Variants in ATP11A observed in about 807,000 individuals in gnomAD.
The protein encoded by ATP11A is ATPase phospholipid transporting 11A.
A neutral mutation model predicts 154.4 loss-of-function variants in ATP11A; 81 were observed. The observed-to-expected ratio is 0.52, with a 90% CI of 0.44 to 0.63. The LOEUF (loss-of-function observed/expected upper bound fraction) is 0.63, where lower values mean the gene tolerates loss of function less well. Ranked by LOEUF, ATP11A falls within the 30% of genes least tolerant of loss-of-function variation. ATP11A has a pLI of 0.00. For missense variants in ATP11A, 1,316 were observed against 1,474.3 expected, an observed-to-expected ratio of 0.89 and a Z score of 1.76; for synonymous variants, 623 against 585.9, an observed-to-expected ratio of 1.06 and a Z score of -0.91.
intron 1 of ATP11A, among the ~76,000 whole-genome samples, chr13:112,757,639 C>A (rs2076872671): frequency 6.6e-6 from 1 of 152,242 alleles, no homozygotes; most frequent in South Asian, 2.1e-4. Flanking sequence ...CTTGTCTCAT[C>A]CCTCAAGGGA....
chr13:112,696,910 C>A lies in ATP11A; in HGVS notation c.39+6455C>A, dbSNP rs983501499. The A allele has an allele frequency of 6.6e-6, 1 of 152,504 alleles. No homozygotes were observed. 9.4% of individuals were successfully genotyped at this position (152,504 alleles called of 1,614,324 possible). On this transcript the variant is annotated intron_variant, in intron 1 of 29. Coordinates refer to ENST00000375645, the MANE Select transcript of ATP11A (RefSeq NM_015205.3). This position sits in a 1 kb window ranked among gnomAD's most constrained non-coding sequence, Gnocchi z 6.2. Reference sequence around the variant, plus strand: ...GGGGGAGGCGAACAGGAAACCACCACAGTGAGTGTTGGGGTGCCCCGCAGG... The same window carrying A: ...GGGGGAGGCGAACAGGAAACCACCAAAGTGAGTGTTGGGGTGCCCCGCAGG...
chr13:112,835,393 G>A (rs985872429), intron 15 of ATP11A, among the ~76,000 whole-genome samples: 5 of 152,240 alleles, frequency 3.3e-5, no homozygotes, highest in African/African-American at 1.2e-4. Flanking sequence ...ACTCCCCAGT[G>A]GAAGAGAAAG....
chr13:112,738,542 A>C (rs974298093), intron 1 of ATP11A, among the ~76,000 whole-genome samples: 3 of 152,212 alleles, frequency 2.0e-5, no homozygotes, highest in African/African-American at 7.2e-5. Context: ...TTCTCACCAG[A>C]GCAGTGCCGC....
intron 2 of ATP11A, among the ~76,000 whole-genome samples, chr13:112,802,604 C>G (rs1043001558): frequency 2.8e-5 from 4 of 142,856 alleles, no homozygotes; most frequent in African/African-American, 1.0e-4. Flanking sequence ...ACAGTGATCA[C>G]ACACCGTTCA....
Position 112,855,787 on chromosome 13 carries a change from A to C in ATP11A, c.2244-124A>C, listed in dbSNP as rs115951424. 1,535 of 873,794 alleles carry C rather than the reference A, an allele frequency of 1.8e-3. 18 individuals carry two copies. In the African/African-American group the frequency reaches 0.023, roughly 13 times the overall value. 54.1% of individuals were successfully genotyped at this position (873,794 alleles called of 1,614,324 possible). On this transcript the variant is annotated intron_variant, in intron 19 of 29. Transcript: ENST00000375645. ...ACTATAAAAATTGTATTGGTAAAAC[A>C]AGAAACACTAGTTTCTTAATCCCAT...
intron 25 of ATP11A, among the ~76,000 whole-genome samples, chr13:112,863,007 C>T (rs1342571273): frequency 1.3e-5 from 2 of 148,826 alleles, no homozygotes; most frequent in African/African-American, 5.1e-5. Context: ...ATGCAGCTTC[C>T]CAGCGGGGTC....
At chr13:112,843,068 G>C (rs1566560247) in intron 17 of ATP11A, among the ~76,000 whole-genome samples, 2 of 152,146 alleles carry the variant, frequency 1.3e-5, no homozygotes, top group East Asian at 3.9e-4. Context: ...GTGATGCGTG[G>C]CTGGGTGGAC....
chr13:112,791,240 G>C (rs2140075264), intron 2 of ATP11A, among the ~76,000 whole-genome samples: 1 of 152,368 alleles, frequency 6.6e-6, no homozygotes, highest in Non-Finnish European at 1.5e-5. Flanking sequence ...TTGTGGACTT[G>C]TAGGGCAGGA....
chr13:112,860,017 C>T (rs557020907), intron 23 of ATP11A, among the ~76,000 whole-genome samples: 1 of 151,618 alleles, frequency 6.6e-6, no homozygotes. Flanking sequence ...ATCAGAATTG[C>T]AAATGTTTTC....
chr13:112,772,545 CCCA>C lies in ATP11A; in HGVS notation c.40-12589_40-12587del, dbSNP rs2139953090. 3.8e-5 allele frequency among the ~76,000 whole-genome samples: 3 copies of C among 79,798 alleles called. No homozygotes were observed. The South Asian group carries it at 1.6e-3, about 43-fold the overall frequency. The allele number at this position is 79,798 out of a possible 152,430, so 52.4% of individuals were successfully genotyped here. ...CATTTTCATCACCCTCAAATGAAAC[CCCA>C]TGCCCAGTACCAGGCCCTCCCAAGT... On this transcript the variant is annotated intron_variant, in intron 1 of 29. Coordinates refer to ENST00000375645, the MANE Select transcript of ATP11A (RefSeq NM_015205.3).
intron 1 of ATP11A, among the ~76,000 whole-genome samples, chr13:112,702,400 G>A (rs949642074): frequency 2.4e-4 from 36 of 150,524 alleles, no homozygotes; most frequent in African/African-American, 2.4e-4. Context: ...GCAACCACAC[G>A]GAGGCCCCCC....
At chr13:112,881,132 T>C in intron 29 of ATP11A, 2 of 987,888 alleles carry the variant, frequency 2.0e-6, no homozygotes, top group Non-Finnish European at 2.4e-6. Context: ...CATCTGCTCC[T>C]GCCAGCATCC....
At chr13:112,736,252 G>A (rs942706329) in intron 1 of ATP11A, among the ~76,000 whole-genome samples, 4 of 152,152 alleles carry the variant, frequency 2.6e-5, no homozygotes, top group South Asian at 2.1e-4. Flanking sequence ...CTTAGCTTCA[G>A]TTTGCTTGTC....
intron 5 of ATP11A, chr13:112,811,836 G>A (rs1446948241): frequency 6.6e-6 from 1 of 152,180 alleles, no homozygotes; most frequent in Non-Finnish European, 1.5e-5. Context: ...TCGATCTCCT[G>A]ACCTTGTGAT....
intron 1 of ATP11A, among the ~76,000 whole-genome samples, chr13:112,698,082 C>T (rs1020766610): frequency 1.3e-5 from 2 of 152,142 alleles, no homozygotes; most frequent in African/African-American, 4.8e-5. Context: ...GCTGCACGGG[C>T]GCACTCAGCA....
In ATP11A at chr13:112,875,842, G is replaced by T; in HGVS notation, c.3228G>T (p.Trp1076Cys). The change falls in exon 28 of 30, where the codon TGG becomes TGT. Residue 1076 changes from tryptophan to cysteine, a missense_variant. By Grantham distance (215) the Trp-to-Cys change is radical. Transcript: ENST00000375645. This position sits in a 1 kb window ranked among gnomAD's most constrained non-coding sequence, Gnocchi z 4.1. ...FIQMLSSGPA[W>C]LAIVLLVTIS... ...AGATGCTGTCCAGCGGGCCCGCCTG[G>T]CTGGCCATCGTGCTGCTGGTGACCA... 6.2e-7 allele frequency: 1 copy of T among 1,613,966 alleles called. No homozygotes were observed. Among genetic ancestry groups the T allele is most frequent in the Middle Eastern group, 1.7e-4 (1 of 6,058 alleles).
At chr13:112,711,075 C>T (rs879414054) in intron 1 of ATP11A, among the ~76,000 whole-genome samples, 1 of 146,404 alleles carries the variant, frequency 6.8e-6, no homozygotes, top group East Asian at 2.1e-4. Context: ...CTGGCATGTT[C>T]GTATTTGGGG....
intron 25 of ATP11A, among the ~76,000 whole-genome samples, chr13:112,864,074 GGC>G (rs2080227897): frequency 1.2e-5 from 1 of 85,640 alleles, no homozygotes; most frequent in Non-Finnish European, 2.4e-5. Context: ...ATTCAGTGCA[GGC>G]CATGCAGCTT....
In ATP11A at chr13:112,810,609, C is replaced by CT. The variant is rs757774454; in HGVS notation, c.334-3dup. 2.5e-6 allele frequency: 4 copies of CT among 1,611,120 alleles called. No homozygotes were observed. The East Asian group carries it at 6.7e-5, about 27-fold the overall frequency. ...GCTTCCTCTCTCCCTTCTTTCCTTC[C>CT]TTTTTTTAGGGTTATGAAGACTGGC... On this transcript the variant is annotated splice_polypyrimidine_tract_variant and intron_variant, in intron 4 of 29. Transcript: ENST00000375645.
Sources: allele counts gnomAD v4.1 joint callset (sites outside exome capture counted in the v4.1 genomes callset), GRCh38; gene constraint gnomAD v4.1.1; non-coding constraint Gnocchi (gnomAD v3.1); transcripts MANE v1.5; gene names NCBI Gene and HGNC (gene_info 2026-07-23, HGNC 2026-07-21).